Variants in MAL2 observed in about 807,000 individuals in gnomAD.
MAL2 encodes mal, T cell differentiation protein 2.
A neutral mutation model predicts 18.1 loss-of-function variants in MAL2; 17 were observed. The ratio of observed to expected loss-of-function variants is 0.94; its 90% CI spans 0.64 to 1.41. The LOEUF (loss-of-function observed/expected upper bound fraction) is 1.41. Ranked by LOEUF, MAL2 falls within the 40% of genes most tolerant of loss-of-function variation. MAL2 has a pLI of 0.00. For synonymous variants in MAL2, 102 were observed against 102.3 expected (o/e 1.00, Z 0.02); for missense variants, 222 against 231.9 (o/e 0.96, Z 0.28).
chr8:119,234,614 G>A (rs1490938176), intron 2 of MAL2, among the ~76,000 whole-genome samples: 1 of 151,950 alleles, frequency 6.6e-6, no homozygotes, highest in Non-Finnish European at 1.5e-5. Flanking sequence ...GAACATCTGA[G>A]ACCTGGCAGA....
intron 1 of MAL2, among the ~76,000 whole-genome samples, chr8:119,218,794 T>G (rs1355985399): frequency 6.6e-6 from 1 of 152,208 alleles, no homozygotes; most frequent in African/African-American, 2.4e-5. Flanking sequence ...ACTCATTATG[T>G]TTATCTATTT....
chr8:119,237,097 C>T (rs190844855), intron 2 of MAL2, among the ~76,000 whole-genome samples: 1 of 152,218 alleles, frequency 6.6e-6, no homozygotes, highest in African/African-American at 2.4e-5. Context: ...TAAAAAATGA[C>T]AAAGGGGATA....
At chr8:119,239,686 C>T (rs1237901365) in intron 2 of MAL2, among the ~76,000 whole-genome samples, 2 of 151,634 alleles carry the variant, frequency 1.3e-5, no homozygotes, top group Non-Finnish European at 2.9e-5. Flanking sequence ...AACCAAACAC[C>T]ACATATTCTC....
chr8:119,214,256 G>A (rs1449887332), intron 1 of MAL2, among the ~76,000 whole-genome samples: 1 of 152,226 alleles, frequency 6.6e-6, no homozygotes, highest in Non-Finnish European at 1.5e-5. Flanking sequence ...ATTGGCTGGA[G>A]TGGAGAAGGG....
At chr8:119,230,799 T>C (rs1817704420) in intron 2 of MAL2, among the ~76,000 whole-genome samples, 1 of 152,218 alleles carries the variant, frequency 6.6e-6, no homozygotes, top group South Asian at 2.1e-4. Flanking sequence ...ACATTTGAAT[T>C]TGGGGTTTGA....
chr8:119,232,062 T>A (rs1817742577), intron 2 of MAL2, among the ~76,000 whole-genome samples: 1 of 151,892 alleles, frequency 6.6e-6, no homozygotes, highest in Admixed American at 6.5e-5. Context: ...TTTTAGATGT[T>A]CTCACCACAA....
intron 2 of MAL2, among the ~76,000 whole-genome samples, chr8:119,238,715 C>A (rs1035644408): frequency 6.7e-6 from 1 of 150,300 alleles, no homozygotes; most frequent in Non-Finnish European, 1.5e-5. Flanking sequence ...GGAAAACTGG[C>A]TAGCCATATG....
intron 2 of MAL2, chr8:119,223,440 A>ATTAAT: frequency 6.6e-6 from 1 of 152,288 alleles, no homozygotes; most frequent in Non-Finnish European, 1.5e-5. Context: ...TCATGTCCTT[A>ATTAAT]TTAATTTATT....
At chr8:119,214,556 C>A (rs886114318) in intron 1 of MAL2, among the ~76,000 whole-genome samples, 3 of 151,980 alleles carry the variant, frequency 2.0e-5, no homozygotes, top group Non-Finnish European at 4.4e-5. Flanking sequence ...TAGTTACCTG[C>A]AAACATGAAA....
chr8:119,237,612 T>C (rs1488089040), intron 2 of MAL2, among the ~76,000 whole-genome samples: 1 of 151,774 alleles, frequency 6.6e-6, no homozygotes, highest in African/African-American at 2.4e-5. Flanking sequence ...GCTTCATCCC[T>C]GGGATGCAAG....
At chr8:119,209,949 G>A (rs1029564515) in intron 1 of MAL2, among the ~76,000 whole-genome samples, 3 of 152,120 alleles carry the variant, frequency 2.0e-5, no homozygotes, top group Non-Finnish European at 2.9e-5. Flanking sequence ...CTGTGGGAGG[G>A]AGACACGTTT....
At chr8:119,212,828 C>A (rs1024718014) in intron 1 of MAL2, among the ~76,000 whole-genome samples, 2 of 151,840 alleles carry the variant, frequency 1.3e-5, no homozygotes, top group Non-Finnish European at 2.9e-5. Context: ...TGGGCCGTGG[C>A]AGAAAAAGGA....
chr8:119,238,446 G>A (rs1182032919), intron 2 of MAL2, among the ~76,000 whole-genome samples: 42 of 152,004 alleles, frequency 2.8e-4, no homozygotes, highest in South Asian at 6.2e-4. Context: ...CATAGGAACC[G>A]AAAAAGAGCC....
intron 1 of MAL2, among the ~76,000 whole-genome samples, chr8:119,211,791 T>TA (rs1817271745): frequency 6.6e-6 from 1 of 151,806 alleles, no homozygotes; most frequent in Non-Finnish European, 1.5e-5. Flanking sequence ...TAGCAATACT[T>TA]ACCAATGTAT....
At chr8:119,227,608 G>A (rs1817622523) in intron 2 of MAL2, among the ~76,000 whole-genome samples, 1 of 152,182 alleles carries the variant, frequency 6.6e-6, no homozygotes, top group African/African-American at 2.4e-5. Context: ...GAGGCTGTCA[G>A]CTACCTGCAC....
rs751126959 is a variant in MAL2, at chr8:119,240,272, G to A, written c.411G>A (p.Gly137=). The part of the protein sequence containing the change: ...HDLHCNTTIT[G]QPLLSDNQYN... ...TGCATTGCAATACAACCATAACCGG[G>A]CAGCCACTCCTGAGTGATAACCAGT... Residue 137 remains glycine, a synonymous_variant, in exon 3 of 4, where the codon GGG becomes GGA. Coordinates refer to ENST00000614891, the MANE Select transcript of MAL2 (RefSeq NM_052886.3). The A allele has an allele frequency of 6.2e-7, 1 of 1,612,790 alleles. No homozygotes were observed. The highest frequency in any genetic ancestry group is 1.1e-5 in the South Asian group (1 of 91,066).
chr8:119,234,704 C>A (rs912377213), intron 2 of MAL2, among the ~76,000 whole-genome samples: 1 of 151,792 alleles, frequency 6.6e-6, no homozygotes, highest in Non-Finnish European at 1.5e-5. Context: ...GGCACACTCA[C>A]AATTCACACG....
intron 1 of MAL2, among the ~76,000 whole-genome samples, chr8:119,212,514 C>T (rs187356968): frequency 1.3e-5 from 2 of 152,224 alleles, no homozygotes; most frequent in African/African-American, 4.8e-5. Context: ...ATGGCTCCTG[C>T]CCTTAAAAGA....
At chr8:119,237,799 A>G (rs1249559281) in intron 2 of MAL2, among the ~76,000 whole-genome samples, 1 of 151,942 alleles carries the variant, frequency 6.6e-6, no homozygotes, top group African/African-American at 2.4e-5. Flanking sequence ...CAAAATAGTA[A>G]GAGCTATCTA....
Sources: allele counts gnomAD v4.1 joint callset (sites outside exome capture counted in the v4.1 genomes callset), GRCh38; gene constraint gnomAD v4.1.1; transcripts MANE v1.5; gene names NCBI Gene and HGNC (gene_info 2026-07-23, HGNC 2026-07-21).